ADSS2: variants seen among roughly 807,000 people sequenced by gnomAD.
The protein encoded by ADSS2 is adenylosuccinate synthase 2.
Under a neutral mutation model 60.0 loss-of-function variants are expected in ADSS2, and 30 were observed. The observed-to-expected ratio is 0.50, with a 90% CI of 0.37 to 0.68. The LOEUF is 0.68. Among genes scored for constraint, ADSS2 ranks in the 30% least tolerant of loss-of-function variants. The pLI, the probability that ADSS2 is intolerant of heterozygous loss-of-function variation, is 0.00. For synonymous variants in ADSS2, 187 were observed against 193.1 expected (o/e 0.97, Z 0.26); for missense variants, 373 against 554.8 (o/e 0.67, Z 3.29).
At position 244,451,594 on chromosome 1, in the gene ADSS2, C is replaced by T. The variant is rs751352532; in HGVS notation, c.183+41G>A. 1 of 1,566,354 alleles carries T rather than the reference C, an allele frequency of 6.4e-7. No homozygotes were observed. Among genetic ancestry groups the T allele is most frequent in the Non-Finnish European group, 8.6e-7 (1 of 1,157,424 alleles). ...GGCACCAGGAGCCAGGCAGCCCGAG[C>T]TCCCGGGCCCGGCTTCCCATGAGAG... On this transcript the variant is annotated intron_variant, in intron 1 of 12. Transcript: ENST00000366535. This position sits in a 1 kb window ranked among gnomAD's most constrained non-coding sequence, Gnocchi z 6.6.
intron 12 of ADSS2, among the ~76,000 whole-genome samples, chr1:244,410,730 A>G (rs1664392820): frequency 6.6e-6 from 1 of 152,156 alleles, no homozygotes; most frequent in South Asian, 2.1e-4. Flanking sequence ...TAAAAAAAAA[A>G]CAGACTAAGA....
At chr1:244,425,555 A>G (rs1185500249) in intron 4 of ADSS2, among the ~76,000 whole-genome samples, 4 of 152,124 alleles carry the variant, frequency 2.6e-5, no homozygotes, top group African/African-American at 4.8e-5. Context: ...TGATAACCCA[A>G]TCTAAACCCA....
chr1:244,431,124 A>G (rs1284208953), intron 4 of ADSS2, among the ~76,000 whole-genome samples: 1 of 152,214 alleles, frequency 6.6e-6, no homozygotes, highest in Non-Finnish European at 1.5e-5. Context: ...GTCTAAAAAA[A>G]AAAGAATATT....
At chr1:244,442,144 T>C (rs1477813424) in intron 1 of ADSS2, among the ~76,000 whole-genome samples, 4 of 152,212 alleles carry the variant, frequency 2.6e-5, no homozygotes, top group African/African-American at 9.7e-5. Context: ...AATGACAATG[T>C]TCTTATTGTG....
intron 3 of ADSS2, among the ~76,000 whole-genome samples, chr1:244,436,403 G>A (rs569495439): frequency 3.7e-4 from 56 of 152,112 alleles, no homozygotes; most frequent in Non-Finnish European, 7.5e-4. Flanking sequence ...TTAGAAGGAG[G>A]GACCTAAACG....
At chr1:244,411,222 A>G in intron 12 of ADSS2, 65 bp downstream of exon 12, 4 of 1,516,148 alleles carry the variant, frequency 2.6e-6, no homozygotes, top group Non-Finnish European at 2.7e-6. Flanking sequence ...CCGTCTCAAA[A>G]AAAAAAAAAG....
intron 10 of ADSS2, among the ~76,000 whole-genome samples, 183 bp from the exon 11 acceptor site, chr1:244,416,261 A>G (rs1664530084): frequency 6.6e-6 from 1 of 152,208 alleles, no homozygotes; most frequent in East Asian, 1.9e-4. Context: ...GACAATATAC[A>G]CTGAGTTACT....
chr1:244,415,677 GAAGA>G (rs1473025359), intron 11 of ADSS2, among the ~76,000 whole-genome samples: 1 of 152,160 alleles, frequency 6.6e-6, no homozygotes, highest in Non-Finnish European at 1.5e-5. Flanking sequence ...CCCAAGGAAG[GAAGA>G]AACACCTCCA....
chr1:244,424,196 C>T, intron 5 of ADSS2, 125 bp downstream of exon 5: 1 of 1,211,900 alleles, frequency 8.3e-7, no homozygotes. Flanking sequence ...TGTTCATAAT[C>T]CTACTGATTT....
chr1:244,439,327 C>T (rs1178701156), intron 1 of ADSS2, among the ~76,000 whole-genome samples: 2 of 152,134 alleles, frequency 1.3e-5, no homozygotes, highest in Non-Finnish European at 2.9e-5. Context: ...GCCTGGGTAA[C>T]GCTGCTAATT....
intron 3 of ADSS2, 30 bp from the exon 4 acceptor site, chr1:244,432,625 G>C (rs775589890): frequency 4.9e-6 from 5 of 1,015,322 alleles, no homozygotes; most frequent in Non-Finnish European, 1.4e-6. Flanking sequence ...ATATTTAATT[G>C]AATATTTTGT....
At chr1:244,416,170 T>A in intron 10 of ADSS2, 92 bp from the exon 11 acceptor site, 1 of 841,672 alleles carries the variant, frequency 1.2e-6, no homozygotes, top group Non-Finnish European at 1.9e-6. Flanking sequence ...GAAAAATTCA[T>A]GCAAAGCTTA....
intron 7 of ADSS2, among the ~76,000 whole-genome samples, chr1:244,422,020 G>T (rs1418472498): frequency 6.6e-6 from 1 of 152,162 alleles, no homozygotes; most frequent in African/African-American, 2.4e-5. Flanking sequence ...TGAATAAAAA[G>T]AAAATGGCAG....
intron 3 of ADSS2, among the ~76,000 whole-genome samples, chr1:244,436,552 C>A (rs763473919): frequency 9.8e-5 from 15 of 152,294 alleles, no homozygotes; most frequent in African/African-American, 1.7e-4. Context: ...CTAGTTTTGT[C>A]ACCCACATAT....
chr1:244,426,877 T>C (rs1347035708), intron 4 of ADSS2, among the ~76,000 whole-genome samples: 2 of 152,176 alleles, frequency 1.3e-5, no homozygotes, highest in African/African-American at 4.8e-5. Context: ...GCTACATCGA[T>C]TACATATTTC....
At chr1:244,421,863 A>T (rs1054764603) in intron 7 of ADSS2, among the ~76,000 whole-genome samples, 1 of 152,084 alleles carries the variant, frequency 6.6e-6, no homozygotes, top group Admixed American at 6.5e-5. Flanking sequence ...AGTCCCAGCT[A>T]CTCGGGAGGC....
chr1:244,447,400 T>C (rs1665420907), intron 1 of ADSS2, among the ~76,000 whole-genome samples: 1 of 152,192 alleles, frequency 6.6e-6, no homozygotes, highest in Non-Finnish European at 1.5e-5. Flanking sequence ...CAGAATAATT[T>C]TGATCAGACA....
At chr1:244,450,281 T>A (rs1665506911) in intron 1 of ADSS2, among the ~76,000 whole-genome samples, 1 of 151,992 alleles carries the variant, frequency 6.6e-6, no homozygotes, top group Non-Finnish European at 1.5e-5. Flanking sequence ...AGGTACAAAG[T>A]GTGTTGCCAG....
At chr1:244,410,578 T>C (rs2147983709) in intron 12 of ADSS2, among the ~76,000 whole-genome samples, 1 of 152,296 alleles carries the variant, frequency 6.6e-6, no homozygotes, top group African/African-American at 2.4e-5. Context: ...TTCAGGAAAC[T>C]CCAAATCTCA....
Sources: gnomAD v4.1 joint callset for allele counts (sites outside exome capture counted in the v4.1 genomes callset) on GRCh38, gnomAD v4.1.1 for gene constraint, Gnocchi (gnomAD v3.1) non-coding constraint, MANE v1.5 for transcripts, NCBI Gene and HGNC (gene_info 2026-07-23, HGNC 2026-07-21) for gene names.